Variants in FRMPD4 observed in about 807,000 individuals in gnomAD.
The protein encoded by FRMPD4 is FERM and PDZ domain-containing protein 4.
FRMPD4 carries 22 observed loss-of-function variants against 94.1 expected under a neutral mutation model. The ratio of observed to expected loss-of-function variants is 0.23; its 90% CI spans 0.17 to 0.33. FRMPD4 has a LOEUF of 0.33. Among genes scored for constraint, FRMPD4 ranks in the 10% least tolerant of loss-of-function variants. FRMPD4 has a pLI of 1.00. For missense variants in FRMPD4, 1,111 were observed against 1,339.9 expected (o/e 0.83, Z 2.67); for synonymous variants, 631 against 548.6 (o/e 1.15, Z -2.10).
intron 2 of FRMPD4, among the ~76,000 whole-genome samples, chrX:11,872,584 C>T (rs950266703): frequency 8.9e-6 from 1 of 112,129 alleles, no homozygotes; most frequent in Non-Finnish European, 1.9e-5. Flanking sequence ...AATGACAGCA[C>T]GTAGATAACA....
chrX:12,129,106 G>A (rs755119818), intron 3 of FRMPD4, among the ~76,000 whole-genome samples: 6 of 111,766 alleles, frequency 5.4e-5, no homozygotes, highest in African/African-American at 1.6e-4. Context: ...TTCCAAAGTC[G>A]CTTCCACATT....
chrX:12,590,986 T>A (rs1232670125), intron 2 of FRMPD4, among the ~76,000 whole-genome samples: 1 of 112,169 alleles, frequency 8.9e-6, no homozygotes, highest in Non-Finnish European at 1.9e-5. Context: ...TTTTGGAAAA[T>A]CATGCTCTAT....
At chrX:12,455,406 T>C (rs948154929) in intron 1 of FRMPD4, among the ~76,000 whole-genome samples, 1 of 111,856 alleles carries the variant, frequency 8.9e-6, no homozygotes, top group African/African-American at 3.2e-5. Flanking sequence ...GTGTAGAGTA[T>C]AAAATGGGAG....
intron 1 of FRMPD4, among the ~76,000 whole-genome samples, chrX:12,382,472 C>CTAGCATAGCA (rs201285510): frequency 1.4e-4 from 11 of 80,876 alleles, no homozygotes; most frequent in African/African-American, 5.8e-4. Flanking sequence ...GGTGACTCTC[C>CTAGCATAGCA]TAGCATAGCA....
chrX:11,981,496 A>G (rs768328126), intron 3 of FRMPD4, among the ~76,000 whole-genome samples: 34 of 111,047 alleles, frequency 3.1e-4, no homozygotes, highest in African/African-American at 1.0e-3. Flanking sequence ...TTTTTTCCTT[A>G]AAGTCTATCT....
At chrX:11,977,767 T>C (rs2054374730) in intron 3 of FRMPD4, among the ~76,000 whole-genome samples, 2 of 111,761 alleles carry the variant, frequency 1.8e-5, no homozygotes, top group Non-Finnish European at 1.9e-5. Context: ...TTTAAAACTT[T>C]TTTGGTTAAT....
intron 3 of FRMPD4, among the ~76,000 whole-genome samples, chrX:11,949,614 G>A (rs2054209288): frequency 8.9e-6 from 1 of 111,800 alleles, no homozygotes; most frequent in African/African-American, 3.3e-5. Flanking sequence ...AGGTAGAAGT[G>A]GGAAGTGGAA....
chrX:11,973,998 G>T (rs2054354104), intron 3 of FRMPD4, among the ~76,000 whole-genome samples: 1 of 112,021 alleles, frequency 8.9e-6, no homozygotes, highest in African/African-American at 3.2e-5. Context: ...CTAAGTCTGA[G>T]AGTCAGGCTT....
At chrX:12,379,973 A>G (rs982262233) in intron 1 of FRMPD4, among the ~76,000 whole-genome samples, 10 of 111,043 alleles carry the variant, frequency 9.0e-5, no homozygotes, top group Non-Finnish European at 1.7e-4. Context: ...ATTGGGACAA[A>G]AATTTTGAGG....
chrX:12,248,578 AT>A (rs2053988118), intron 1 of FRMPD4, among the ~76,000 whole-genome samples: 2 of 112,120 alleles, frequency 1.8e-5, no homozygotes, highest in Admixed American at 9.4e-5. Context: ...ATAAGTATGA[AT>A]TTTTTTTATT....
At chrX:12,272,487 G>A (rs180886472) in intron 1 of FRMPD4, among the ~76,000 whole-genome samples, 82 of 111,552 alleles carry the variant, frequency 7.4e-4, no homozygotes, top group Middle Eastern at 4.7e-3. Flanking sequence ...AAAGAGTAGA[G>A]GTTGTTGATA....
At chrX:11,877,594 C>T (rs1036837820) in intron 2 of FRMPD4, among the ~76,000 whole-genome samples, 34 of 111,948 alleles carry the variant, frequency 3.0e-4, no homozygotes, top group African/African-American at 6.5e-5. Flanking sequence ...CCATGTCAGA[C>T]CTAATTGCTG....
At chrX:11,925,213 C>G (rs1189005931) in intron 3 of FRMPD4, among the ~76,000 whole-genome samples, 2 of 110,464 alleles carry the variant, frequency 1.8e-5, no homozygotes, top group African/African-American at 3.3e-5. Flanking sequence ...ATCTAAGTAT[C>G]CTAAATATAT....
At chrX:12,208,995 A>AT (rs749013481) in intron 1 of FRMPD4, among the ~76,000 whole-genome samples, 2,761 of 111,805 alleles carry the variant, frequency 0.025, 86 homozygotes, top group African/African-American at 0.079. Flanking sequence ...AAGGTGATTA[A>AT]TTTGTTTATT....
intron 2 of FRMPD4, among the ~76,000 whole-genome samples, chrX:11,870,697 G>A (rs968862351): frequency 9.0e-6 from 1 of 111,485 alleles, no homozygotes; most frequent in Non-Finnish European, 1.9e-5. Flanking sequence ...TATGAAACGT[G>A]AAAATTCTTT....
intron 1 of FRMPD4, chrX:12,396,026 C>T: frequency 6.8e-6 from 1 of 146,730 alleles, no homozygotes; most frequent in Non-Finnish European, 1.4e-5. Flanking sequence ...CTTTTTTAGG[C>T]CAGCTTGGTA....
chrX:11,884,587 A>G (rs1227116153), intron 3 of FRMPD4, among the ~76,000 whole-genome samples: 1 of 111,443 alleles, frequency 9.0e-6, no homozygotes, highest in Non-Finnish European at 1.9e-5. Flanking sequence ...ATATACACAC[A>G]TATACATATA....
intron 1 of FRMPD4, among the ~76,000 whole-genome samples, chrX:12,204,623 T>C (rs2056670010): frequency 9.2e-6 from 1 of 108,537 alleles, no homozygotes; most frequent in Non-Finnish European, 1.9e-5. Flanking sequence ...AGCCTGTCTG[T>C]CAGCTTCTTC....
In FRMPD4 at chrX:12,628,633, G is replaced by A. The variant is rs2059368561; in HGVS notation, c.422+13752G>A. ...CTTCAAGGCTATCTGGGGGTTCCCA[G>A]TTGGTTCTTCCTGGAGAATCAGCTT... On this transcript the variant is annotated intron_variant, in intron 4 of 16. Coordinates refer to ENST00000675598, the MANE Select transcript of FRMPD4 (RefSeq NM_001368397.1). 4.4e-5 allele frequency among the ~76,000 whole-genome samples: 5 copies of A among 112,767 alleles called. No individual in the cohort carries two copies. In the South Asian group the frequency reaches 1.8e-3, roughly 41 times the overall value.
Sources: allele counts gnomAD v4.1 joint callset (sites outside exome capture counted in the v4.1 genomes callset), GRCh38; gene constraint gnomAD v4.1.1; transcripts MANE v1.5; gene names NCBI Gene and HGNC (gene_info 2026-07-23, HGNC 2026-07-21).